Variants in NSMCE1 observed in about 807,000 individuals in gnomAD.
NSMCE1 encodes the protein NSE1 component of SMC5/6 complex, also known as non-structural maintenance of chromosomes element 1 homolog.
In NSMCE1, 18 loss-of-function variants were observed where a neutral mutation model predicts 29.6. The observed-to-expected ratio is 0.61, with a 90% CI of 0.42 to 0.90. The LOEUF is 0.90. NSMCE1 is among the 40% of genes least tolerant of loss of function. The pLI is 0.00. For synonymous variants in NSMCE1, 124 were observed against 133.4 expected (o/e 0.93, Z 0.49); for missense variants, 314 against 343.6 (o/e 0.91, Z 0.68).
At chr16:27,241,827 A>G (rs1266436119) in intron 2 of NSMCE1, 5 of 455,326 alleles carry the variant, frequency 1.1e-5, no homozygotes, top group African/African-American at 6.0e-5. Flanking sequence ...CAACCAATGC[A>G]GAGGCGAGCC....
chr16:27,225,604 C>T (rs535683285), intron 7 of NSMCE1, 122 bp downstream of exon 7: 4 of 1,169,996 alleles, frequency 3.4e-6, no homozygotes, highest in Non-Finnish European at 4.7e-6. Flanking sequence ...ATTCAAGCTG[C>T]TAACACGGAC....
chr16:27,231,318 G>T (rs1456550377), intron 5 of NSMCE1, among the ~76,000 whole-genome samples: 7 of 152,222 alleles, frequency 4.6e-5, no homozygotes, highest in African/African-American at 1.7e-4. Context: ...CAGCCATGAA[G>T]AGGTCATAAC....
intron 2 of NSMCE1, among the ~76,000 whole-genome samples, chr16:27,255,506 C>T (rs1428102012): frequency 6.6e-6 from 1 of 152,142 alleles, no homozygotes; most frequent in Non-Finnish European, 1.5e-5. Context: ...GGTAGGTTAT[C>T]AGTAGGTCAA....
chr16:27,225,092 C>T lies in NSMCE1; in HGVS notation c.*65G>A. ...TGGAACCTGAAACACGGACGCCTTT[C>T]TTCCAAGAAGGGCTGTGGCGATCAG... On this transcript the variant is annotated 3_prime_UTR_variant, in exon 8 of 8. Transcript: ENST00000361439. 2.2e-6 allele frequency: 2 copies of T among 912,006 alleles called. No individual in the cohort carries two copies. Among genetic ancestry groups the T allele is most frequent in the Non-Finnish European group, 3.5e-6 (2 of 564,574 alleles). 56.5% of individuals were successfully genotyped at this position (912,006 alleles called of 1,614,324 possible).
At chr16:27,263,764 T>C (rs1252721854) in intron 1 of NSMCE1, among the ~76,000 whole-genome samples, 3 of 152,210 alleles carry the variant, frequency 2.0e-5, no homozygotes, top group African/African-American at 7.2e-5. Flanking sequence ...AACATGTACC[T>C]ACACCAAAAA....
chr16:27,225,662 C>G, intron 7 of NSMCE1, 64 bp downstream of exon 7: 9 of 1,601,362 alleles, frequency 5.6e-6, no homozygotes, highest in Non-Finnish European at 7.7e-6. Flanking sequence ...AAGGGCTTCC[C>G]TGGCACCAGG....
At chr16:27,264,077 A>T (rs1473932817) in intron 1 of NSMCE1, among the ~76,000 whole-genome samples, 1 of 152,204 alleles carries the variant, frequency 6.6e-6, no homozygotes, top group Non-Finnish European at 1.5e-5. Flanking sequence ...AAGACTTCTC[A>T]TATTTGCTGG....
chr16:27,253,945 C>T (rs997182827), intron 2 of NSMCE1, among the ~76,000 whole-genome samples: 1 of 152,156 alleles, frequency 6.6e-6, no homozygotes, highest in Non-Finnish European at 1.5e-5. Context: ...TTCCCCTTAA[C>T]GACAGTAAGA....
chr16:27,231,552 G>A (rs942017114), intron 5 of NSMCE1, among the ~76,000 whole-genome samples: 1 of 151,974 alleles, frequency 6.6e-6, no homozygotes, highest in Non-Finnish European at 1.5e-5. Flanking sequence ...CAGGAGAATC[G>A]CTTGAATCCG....
intron 2 of NSMCE1, among the ~76,000 whole-genome samples, chr16:27,240,477 C>G (rs992158963): frequency 1.9e-4 from 29 of 151,916 alleles, no homozygotes; most frequent in African/African-American, 5.6e-4. Flanking sequence ...ACCCAGCCCA[C>G]CCCAGCATCC....
intron 2 of NSMCE1, among the ~76,000 whole-genome samples, chr16:27,240,100 T>C (rs1037045236): frequency 6.6e-6 from 1 of 152,162 alleles, no homozygotes; most frequent in African/African-American, 2.4e-5. Context: ...TGGAAGGAAA[T>C]GGAGCCCGGG....
intron 2 of NSMCE1, among the ~76,000 whole-genome samples, chr16:27,243,496 C>A (rs933631210): frequency 6.6e-6 from 1 of 152,178 alleles, no homozygotes; most frequent in Non-Finnish European, 1.5e-5. Flanking sequence ...CCAAAATCTA[C>A]ATCAACCTGC....
intron 1 of NSMCE1, among the ~76,000 whole-genome samples, chr16:27,261,845 T>C (rs1206719064): frequency 6.6e-6 from 1 of 152,192 alleles, no homozygotes; most frequent in East Asian, 1.9e-4. Flanking sequence ...TCCAGATATG[T>C]AAAAGGAATG....
intron 2 of NSMCE1, among the ~76,000 whole-genome samples, chr16:27,236,241 G>A (rs1418410627): frequency 6.6e-6 from 1 of 151,984 alleles, no homozygotes; most frequent in African/African-American, 2.4e-5. Context: ...TCTGAGCACT[G>A]GAAGCAGTGG....
chr16:27,249,004 T>C (rs2083991838), intron 2 of NSMCE1, among the ~76,000 whole-genome samples: 1 of 152,058 alleles, frequency 6.6e-6, no homozygotes, highest in Non-Finnish European at 1.5e-5. Flanking sequence ...AATTTTTGTA[T>C]TTTTTTGTAG....
intron 5 of NSMCE1, among the ~76,000 whole-genome samples, chr16:27,229,403 C>A (rs1028517516): frequency 2.0e-5 from 3 of 152,234 alleles, no homozygotes; most frequent in Non-Finnish European, 4.4e-5. Flanking sequence ...GGAGCGGCCA[C>A]CAGCTCTGGC....
intron 1 of NSMCE1, among the ~76,000 whole-genome samples, chr16:27,258,939 C>T (rs997971965): frequency 3.3e-5 from 5 of 151,818 alleles, no homozygotes; most frequent in Admixed American, 2.6e-4. Flanking sequence ...TTAGTAGAGA[C>T]GGGTTTCACC....
In NSMCE1 at chr16:27,251,189, T is replaced by TATATATATATATATATATATAA. The variant is rs1459861130; in HGVS notation, c.136+6245_136+6246insTTATATATATATATATATATAT. Among the ~76,000 whole-genome samples, 527 of 58,596 alleles carry TATATATATATATATATATATAA rather than the reference T, an allele frequency of 9.0e-3. 13 individuals are homozygous for TATATATATATATATATATATAA. The highest frequency in any genetic ancestry group is 0.018 in the East Asian group (26 of 1,452). The allele number at this position is 58,596 out of a possible 152,430, so 38.4% of individuals were successfully genotyped here. On this transcript the variant is annotated intron_variant, in intron 2 of 7. Transcript: ENST00000361439. The stretch of plus-strand genomic sequence containing the variant: ...ATATATATATATATATATATATATA[T>TATATATATATATATATATATAA]AAATATATATATATATATAAAACTC...
At chr16:27,251,189 T>TATATATATATATATATATATATAAAA (rs1459861130) in intron 2 of NSMCE1, among the ~76,000 whole-genome samples, 1 of 58,804 alleles carries the variant, frequency 1.7e-5, no homozygotes, top group African/African-American at 1.0e-4. Context: ...TATATATATA[T>TATATATATATATATATATATATAAAA]AAATATATAT....
Sources: gnomAD v4.1 joint callset for allele counts (sites outside exome capture counted in the v4.1 genomes callset) on GRCh38, gnomAD v4.1.1 for gene constraint, MANE v1.5 for transcripts, NCBI Gene and HGNC (gene_info 2026-07-23, HGNC 2026-07-21) for gene names.